TECRL: variants seen among roughly 807,000 people sequenced by gnomAD.
TECRL encodes trans-2,3-enoyl-CoA reductase like.
Under a neutral mutation model 52.8 loss-of-function variants are expected in TECRL, and 63 were observed. The observed-to-expected ratio is 1.19, with a 90% CI of 0.97 to 1.47. The LOEUF (loss-of-function observed/expected upper bound fraction) is 1.47. Among genes scored for constraint, TECRL ranks in the 40% most tolerant of loss-of-function variants. TECRL has a pLI of 0.00. For missense variants in TECRL, 482 were observed against 429.6 expected, an observed-to-expected ratio of 1.12 and a Z score of -1.08; for synonymous variants, 164 against 141.9, an observed-to-expected ratio of 1.16 and a Z score of -1.10.
intron 2 of TECRL, among the ~76,000 whole-genome samples, chr4:64,365,112 G>T (rs890524517): frequency 6.6e-6 from 1 of 151,634 alleles, no homozygotes; most frequent in African/African-American, 2.4e-5. Flanking sequence ...GTCAATAAAT[G>T]CAATTTATCA....
At chr4:64,276,606 A>T (rs1448260068), downstream of TECRL, 1 of 152,626 alleles carries the variant, frequency 6.6e-6, no homozygotes. Context: ...ACTGATATGT[A>T]AATGTAATTG....
At chr4:64,379,716 A>G (rs1430626862) in intron 1 of TECRL, among the ~76,000 whole-genome samples, 1 of 152,030 alleles carries the variant, frequency 6.6e-6, no homozygotes, top group Non-Finnish European at 1.5e-5. Context: ...CTTCTTTTTA[A>G]ACCCCCACAC....
intron 7 of TECRL, among the ~76,000 whole-genome samples, chr4:64,300,579 G>A (rs1223738431): frequency 6.6e-6 from 1 of 150,782 alleles, no homozygotes; most frequent in African/African-American, 2.4e-5. Flanking sequence ...TGTTCTAAAG[G>A]CAGGGTTGCT....
intron 2 of TECRL, among the ~76,000 whole-genome samples, chr4:64,342,433 A>ATATGTG (rs1553914828): frequency 2.7e-4 from 41 of 150,086 alleles, no homozygotes; most frequent in Non-Finnish European, 4.2e-4. Flanking sequence ...ATATATATAT[A>ATATGTG]TGTGTGTGTG....
intron 2 of TECRL, among the ~76,000 whole-genome samples, chr4:64,341,942 C>G (rs555868439): frequency 1.3e-5 from 2 of 152,256 alleles, no homozygotes; most frequent in Admixed American, 1.3e-4. Context: ...CACTCACACA[C>G]CCTTTGTCAC....
chr4:64,325,839 T>C (rs1718225661), intron 3 of TECRL, among the ~76,000 whole-genome samples: 1 of 152,082 alleles, frequency 6.6e-6, no homozygotes, highest in African/African-American at 2.4e-5. Context: ...TAAAATGTGG[T>C]CCCATGAATA....
chr4:64,387,279 T>C (rs1723243997), intron 1 of TECRL, among the ~76,000 whole-genome samples: 2 of 152,146 alleles, frequency 1.3e-5, no homozygotes, highest in African/African-American at 2.4e-5. Flanking sequence ...AACATTCCAC[T>C]GTCCCTGTGT....
intron 7 of TECRL, 30 bp downstream of exon 7, chr4:64,305,136 T>C (rs1392019824): frequency 1.9e-6 from 3 of 1,547,756 alleles, no homozygotes; most frequent in Non-Finnish European, 2.6e-6. Context: ...TCCTTTAGTA[T>C]ACGGTTAGTT....
At chr4:64,294,970 A>G (rs73228562) in intron 8 of TECRL, among the ~76,000 whole-genome samples, 1,773 of 152,082 alleles carry the variant, frequency 0.012, 46 homozygotes, top group African/African-American at 0.041. Flanking sequence ...AATATAAGCC[A>G]GTATCACAAT....
In TECRL at chr4:64,305,197, G is replaced by A; in HGVS notation, c.699C>T (p.Tyr233=). The part of the protein sequence containing the change: ...FYWGFTSWIA[Y]YINHPLYTPP... ...GTGTATATAGTGGATGATTAATGTA[G>A]TAGGCAATCCAAGAAGTAAATCCCC... Residue 233 remains tyrosine, a synonymous_variant, in exon 7 of 12, where the codon TAC becomes TAT. Coordinates refer to ENST00000381210, the MANE Select transcript of TECRL (RefSeq NM_001010874.5). The A allele has an allele frequency of 6.2e-7, 1 of 1,612,782 alleles. No individual in the cohort carries two copies. The highest frequency in any genetic ancestry group is 1.3e-5 in the African/African-American group (1 of 74,958).
chr4:64,340,635 G>A (rs1288036312), intron 2 of TECRL, among the ~76,000 whole-genome samples: 1 of 152,236 alleles, frequency 6.6e-6, no homozygotes, highest in East Asian at 1.9e-4. Flanking sequence ...GCACTGGCAT[G>A]TAGATGCCCC....
intron 2 of TECRL, among the ~76,000 whole-genome samples, chr4:64,328,981 T>C (rs1718443530): frequency 6.6e-6 from 1 of 152,014 alleles, no homozygotes; most frequent in Non-Finnish European, 1.5e-5. Context: ...TTATTTTCTC[T>C]ATCAAGAGTA....
chr4:64,340,130 G>T (rs1298439787), intron 2 of TECRL, among the ~76,000 whole-genome samples: 1 of 152,204 alleles, frequency 6.6e-6, no homozygotes, highest in Non-Finnish European at 1.5e-5. Flanking sequence ...CTGCAGTAGG[G>T]AGGTGAAGCC....
chr4:64,310,800 G>T (rs1386534765), intron 5 of TECRL, among the ~76,000 whole-genome samples: 2 of 152,098 alleles, frequency 1.3e-5, no homozygotes, highest in Non-Finnish European at 2.9e-5. Flanking sequence ...TGATCTCTCA[G>T]TCTTAAACTC....
intron 1 of TECRL, chr4:64,397,589 G>C (rs994743364): frequency 1.3e-5 from 2 of 151,702 alleles, no homozygotes; most frequent in African/African-American, 4.8e-5. Context: ...CTATGAACCA[G>C]GAAGCTGGCC....
intron 2 of TECRL, among the ~76,000 whole-genome samples, chr4:64,369,705 C>T (rs1440416539): frequency 1.3e-5 from 2 of 151,692 alleles, no homozygotes; most frequent in Non-Finnish European, 2.9e-5. Context: ...AGATTTTTAT[C>T]TGAAAGATAA....
At chr4:64,313,476 C>CTTTTT (rs565143298) in intron 5 of TECRL, among the ~76,000 whole-genome samples, 1 of 66,332 alleles carries the variant, frequency 1.5e-5, no homozygotes, top group African/African-American at 5.3e-5. Flanking sequence ...TGCCTTACTC[C>CTTTTT]TTTTTTTTTT....
intron 1 of TECRL, among the ~76,000 whole-genome samples, chr4:64,394,491 T>G (rs2109757277): frequency 6.6e-6 from 1 of 152,294 alleles, no homozygotes; most frequent in Non-Finnish European, 1.5e-5. Flanking sequence ...TCCTAGAATT[T>G]TATCTTTATT....
intron 2 of TECRL, among the ~76,000 whole-genome samples, chr4:64,370,580 C>T (rs1721909886): frequency 6.6e-6 from 1 of 151,760 alleles, no homozygotes; most frequent in African/African-American, 2.4e-5. Context: ...TACTAGTCCA[C>T]ACAAAATCAG....
Sources: gnomAD v4.1 joint callset for allele counts (sites outside exome capture counted in the v4.1 genomes callset) on GRCh38, gnomAD v4.1.1 for gene constraint, MANE v1.5 for transcripts, NCBI Gene and HGNC (gene_info 2026-07-23, HGNC 2026-07-21) for gene names.